The following MCM7 variants were observed in gnomAD, a reference collection of about 807,000 sequenced individuals.
MCM7 encodes the protein minichromosome maintenance complex component 7, also known as DNA replication licensing factor MCM7.
Under a neutral mutation model 83.5 loss-of-function variants are expected in MCM7, and 95 were observed. The ratio of observed to expected loss-of-function variants is 1.14; its 90% CI spans 0.96 to 1.35. The LOEUF is 1.35. MCM7 is among the 40% of genes most tolerant of loss of function. The pLI, the probability that MCM7 is intolerant of heterozygous loss-of-function variation, is 0.00. For synonymous variants in MCM7, 461 were observed against 352.7 expected, an observed-to-expected ratio of 1.31 and a Z score of -3.44; for missense variants, 1,087 against 957.4, an observed-to-expected ratio of 1.14 and a Z score of -1.79.
Position 100,097,731 on chromosome 7 carries a change from C to T in MCM7, c.1000G>A (p.Glu334Lys), listed in dbSNP as rs781082655. 3.0e-5 allele frequency: 49 copies of T among 1,614,056 alleles called. No individual in the cohort carries two copies. The highest frequency in any genetic ancestry group is 2.9e-4 in the South Asian group (26 of 91,088). ...LRQIAEEDFY[E>K]KLAASIAPEI... ...GGGGCGATTGAAGCTGCCAGCTTTTCGTAGAAATCCTCCTCTGTAGAGAAG... is the reference window on the plus strand; with the variant it reads ...GGGGCGATTGAAGCTGCCAGCTTTTTGTAGAAATCCTCCTCTGTAGAGAAG... The change falls in exon 9 of 15, where the codon GAA (glutamate) becomes AAA (lysine). Residue 334 changes from glutamate to lysine, a missense_variant. Physicochemically the swap from Glu to Lys is moderately conservative, Grantham distance 56. Coordinates refer to ENST00000303887, the MANE Select transcript of MCM7 (RefSeq NM_005916.5).
intron 10 of MCM7, among the ~76,000 whole-genome samples, chr7:100,097,066 A>G (rs928590445): frequency 2.0e-4 from 30 of 152,146 alleles, no homozygotes; most frequent in Admixed American, 1.6e-3. Context: ...GCGCCACTGC[A>G]CTCCGGCCTG....
chr7:100,101,225 C>T (rs1294669832), intron 1 of MCM7, 39 bp downstream of exon 1: 1 of 1,611,798 alleles, frequency 6.2e-7, no homozygotes, highest in Non-Finnish European at 8.5e-7. Context: ...CCGGGAGGCT[C>T]CCCGCGCAGG....
intron 12 of MCM7, 43 bp downstream of exon 12, chr7:100,095,344 C>G (rs187935290): frequency 1.3e-6 from 2 of 1,559,386 alleles, no homozygotes; most frequent in Non-Finnish European, 8.8e-7. Context: ...GAGGCTCGCA[C>G]GGCCCACGCC....
At position 100,093,384 on chromosome 7, in the gene MCM7, C is replaced by A. The variant is rs2307349; in HGVS notation, c.1866G>T (p.Val622=). Residue 622 remains valine (V), a synonymous_variant, in exon 14 of 15, where the codon GTG becomes GTT. Coordinates refer to ENST00000303887, the MANE Select transcript of MCM7 (RefSeq NM_005916.5). ...TCACATCTTCTTTCTCCACCACATC[C>A]ACCATTCTCAGACGTGCCTAAGGGG... ...LSTALARLRM[V]DVVEKEDVNE... is the part of the protein sequence containing the mutation. 6.2e-7 allele frequency: 1 copy of A among 1,613,972 alleles called. No homozygotes were observed. Among genetic ancestry groups the A allele is most frequent in the Non-Finnish European group, 8.5e-7 (1 of 1,180,024 alleles).
chr7:100,099,269 G>A lies in MCM7; in HGVS notation c.401+10C>T, dbSNP rs1358855211. On this transcript the variant is annotated intron_variant, in intron 4 of 14. Transcript: ENST00000303887. ...CAATCCCTACATCTTTCCCGACAGA[G>A]ACCACTCACAATCTGCGCATGAGTT... is the stretch of plus-strand genomic sequence containing the variant. 4 of 1,613,996 alleles carry A rather than the reference G, an allele frequency of 2.5e-6. No individual in the cohort carries two copies. Among genetic ancestry groups the A allele is most frequent in the African/African-American group, 1.3e-5 (1 of 74,890 alleles).
At chr7:100,100,183 T>C (rs1037107187) in intron 1 of MCM7, 90 bp from the exon 2 acceptor site, 1 of 1,518,280 alleles carries the variant, frequency 6.6e-7, no homozygotes, top group Non-Finnish European at 8.8e-7. Flanking sequence ...TATGAACTAA[T>C]TAATAATATG....
intron 12 of MCM7, 95 bp downstream of exon 12, chr7:100,095,292 T>G (rs909360237): frequency 9.6e-7 from 1 of 1,043,620 alleles, no homozygotes; most frequent in African/African-American, 1.6e-5. Flanking sequence ...GAAGTGGTGG[T>G]GTGAAAAACA....
rs772807842 is a variant in MCM7 at position 100,097,790 on chromosome 7, G to A, written c.985+44C>T. On this transcript the variant is annotated intron_variant, in intron 8 of 14. Coordinates refer to ENST00000303887, the MANE Select transcript of MCM7 (RefSeq NM_005916.5). Reference sequence around the variant, plus strand: ...GTTTTATTTTCTGGGGGAAAAGGGAGCTAGGATGTAAACGGAATTTCCTCT... The same window carrying A: ...GTTTTATTTTCTGGGGGAAAAGGGAACTAGGATGTAAACGGAATTTCCTCT... 9.3e-6 allele frequency: 15 copies of A among 1,614,060 alleles called. No individual in the cohort carries two copies. In the South Asian group the frequency reaches 1.3e-4, roughly 14 times the overall value.
At chr7:100,094,066 C>A (rs1207471584) in intron 13 of MCM7, 107 bp downstream of exon 13, 1 of 1,414,136 alleles carries the variant, frequency 7.1e-7, no homozygotes, top group Non-Finnish European at 1.0e-6. Context: ...GCACTTTAGC[C>A]CCGGCAGGGC....
chr7:100,098,493 C>G, intron 6 of MCM7, 85 bp downstream of exon 6: 4 of 1,585,296 alleles, frequency 2.5e-6, no homozygotes, highest in Non-Finnish European at 3.4e-6. Context: ...TTTTGTTCTT[C>G]TTTCTTCCTG....
rs1470260847 is a variant in MCM7 at position 100,095,432 on chromosome 7, C to T, written c.1634G>A (p.Arg545Gln). 20 of 1,613,928 alleles carry T rather than the reference C, an allele frequency of 1.2e-5. No homozygotes were observed. The highest frequency in any genetic ancestry group is 4.0e-5 in the African/African-American group (3 of 74,928). ...QHITYVHQHSRQPPSQFEPLD... is the reference protein window; with the variant it reads ...QHITYVHQHSQQPPSQFEPLD... ...AGGTTCAAACTGGGAGGGGGGCTGC[C>T]GGCTGTGCTGGTGCACATAGGTGAT... Residue 545 changes from arginine (R) to glutamine (Q), a missense_variant, in exon 12 of 15, where the codon CGG (arginine) becomes CAG (glutamine). By Grantham distance (43) the Arg-to-Gln change is conservative (BLOSUM62 1). Transcript: ENST00000303887.
At chr7:100,098,838 C>A in intron 5 of MCM7, 123 bp from the exon 6 acceptor site, 1 of 1,423,836 alleles carries the variant, frequency 7.0e-7, no homozygotes, top group South Asian at 1.3e-5. Flanking sequence ...ACCCTCTGAA[C>A]TTACTCTGGG....
At position 100,099,418 on chromosome 7, in the gene MCM7, C is replaced by CAAAAAAAAAA. The variant is rs749189763; in HGVS notation, c.277-25_277-16dup. ...TTATTTACCACCTAAAGGAGAAGAACAAAAAAAAAAAAAAAAAAGAGCAAC... is the reference window on the plus strand; with the variant it reads ...TTATTTACCACCTAAAGGAGAAGAACAAAAAAAAAAAAAAAAAAAAAAAAAAAAGAGCAAC... On this transcript the variant is annotated splice_polypyrimidine_tract_variant and intron_variant, in intron 3 of 14. Transcript: ENST00000303887. The CAAAAAAAAAA allele has an allele frequency of 3.9e-4, 511 of 1,304,600 alleles. No homozygotes were observed. The highest frequency in any genetic ancestry group is 1.3e-3 in the South Asian group (84 of 62,284). The allele number at this position is 1,304,600 out of a possible 1,614,324, so 80.8% of individuals were successfully genotyped here.
At position 100,099,583 on chromosome 7, in the gene MCM7, A is replaced by G; in HGVS notation, c.276+6T>C. The G allele has an allele frequency of 6.2e-7, 1 of 1,613,342 alleles. No individual in the cohort carries two copies. On this transcript the variant is annotated splice_donor_region_variant and intron_variant, in intron 3 of 14. Coordinates refer to ENST00000303887, the MANE Select transcript of MCM7 (RefSeq NM_005916.5). ...CTTTGTTTGCCATTGTTCTCTAACCACTCACTTCCCTCTCCTTGTACTGAG... is the reference window on the plus strand; with the variant it reads ...CTTTGTTTGCCATTGTTCTCTAACCGCTCACTTCCCTCTCCTTGTACTGAG...
intron 7 of MCM7, 37 bp from the exon 8 acceptor site, chr7:100,097,985 C>T: frequency 1.3e-6 from 2 of 1,599,304 alleles, no homozygotes; most frequent in Non-Finnish European, 1.7e-6. Flanking sequence ...GATGTAATCC[C>T]TTCAACTTGC....
Position 100,092,915 on chromosome 7 carries a change from T to A in MCM7, c.*17A>T, listed in dbSNP as rs1215572602. 6.2e-7 allele frequency: 1 copy of A among 1,613,928 alleles called. No homozygotes were observed. Among genetic ancestry groups the A allele is most frequent in the Non-Finnish European group, 8.5e-7 (1 of 1,179,988 alleles). ...AGCAGGGAACAAGAGGACCCCAGGGTTGCAAGCAGGCTGGAATCAGACAAA... is the reference window on the plus strand; with the variant it reads ...AGCAGGGAACAAGAGGACCCCAGGGATGCAAGCAGGCTGGAATCAGACAAA... On this transcript the variant is annotated 3_prime_UTR_variant, in exon 15 of 15. Transcript: ENST00000303887.
At chr7:100,099,463 A>G (rs1389560888) in intron 3 of MCM7, 60 bp from the exon 4 acceptor site, 1 of 1,584,976 alleles carries the variant, frequency 6.3e-7, no homozygotes, top group East Asian at 2.2e-5. Flanking sequence ...AAAGGAGAGC[A>G]CAGAGAACAC....
chr7:100,100,141 C>T (rs746874683), intron 1 of MCM7, 48 bp from the exon 2 acceptor site: 6 of 1,602,158 alleles, frequency 3.7e-6, no homozygotes, highest in East Asian at 2.2e-5. Context: ...TAAGACAAAT[C>T]TTAGATACCC....
chr7:100,099,319 T>G lies in MCM7; in HGVS notation c.361A>C (p.Ser121Arg), dbSNP rs745364621. Residue 121 changes from serine to arginine, a missense_variant, in exon 4 of 15, where the codon AGC (serine) becomes CGC (arginine). Ser to Arg is a moderately radical substitution (Grantham distance 110). Coordinates refer to ENST00000303887, the MANE Select transcript of MCM7 (RefSeq NM_005916.5). ...TCAGCAGGGTACTGGTTCTGGGGGC[T>G]TCGGACCATCCCAGGGTCCCGACTC... ...QRSRDPGMVR[S>R]PQNQYPAELM... The G allele has an allele frequency of 6.2e-7, 1 of 1,613,884 alleles. No homozygotes were observed. Among genetic ancestry groups the G allele is most frequent in the South Asian group, 1.1e-5 (1 of 91,070 alleles).
Sources: allele counts gnomAD v4.1 joint callset (sites outside exome capture counted in the v4.1 genomes callset), GRCh38; gene constraint gnomAD v4.1.1; transcripts MANE v1.5; gene names NCBI Gene and HGNC (gene_info 2026-07-23, HGNC 2026-07-21).